Variants in EIF4G3 observed in about 807,000 individuals in gnomAD.
EIF4G3 encodes the protein eukaryotic translation initiation factor 4 gamma 3, also known as eIF-4-gamma 3.
A neutral mutation model predicts 186.4 loss-of-function variants in EIF4G3; 34 were observed. That is an observed-to-expected ratio of 0.18 (90% CI 0.14 to 0.24). The LOEUF (loss-of-function observed/expected upper bound fraction) is 0.24. Ranked by LOEUF, EIF4G3 falls within the 10% of genes least tolerant of loss-of-function variation. The pLI is 1.00. For synonymous variants in EIF4G3, 673 were observed against 679.5 expected, an observed-to-expected ratio of 0.99 and a Z score of 0.15; for missense variants, 1,536 against 1,948.5, an observed-to-expected ratio of 0.79 and a Z score of 3.99.
Position 20,886,316 on chromosome 1 carries a change from T to C in EIF4G3, c.2309A>G (p.Lys770Arg). ...TTCTTTTACAGAAACTGTGATGATCTTTCTGGGTTCTCTTCTTTGGCCAGG... is the reference window on the plus strand; with the variant it reads ...TTCTTTTACAGAAACTGTGATGATCCTTCTGGGTTCTCTTCTTTGGCCAGG... ...SQPGQRREPR[K>R]IITVSVKEDV... Residue 770 changes from lysine (K) to arginine (R), a missense_variant, in exon 19 of 37, where the codon AAG becomes AGG. By Grantham distance (26) the Lys-to-Arg change is conservative. This residue lies in a region of EIF4G3 where 139 missense variants were observed against 192.8 expected (regional missense o/e 0.72). Transcript: ENST00000602326. 6.2e-7 allele frequency: 1 copy of C among 1,614,126 alleles called. No individual in the cohort carries two copies. The highest frequency in any genetic ancestry group is 2.2e-5 in the East Asian group (1 of 44,878).
chr1:21,050,847 T>A lies in EIF4G3; in HGVS notation c.-67+19A>T, dbSNP rs776834024. ...TTTACAGGGACATTTCTTATTTTTT[T>A]AAAAAAGGTTTATCTTACTTGAGAG... On this transcript the variant is annotated intron_variant, in intron 4 of 36. Transcript: ENST00000602326. 11 of 690,372 alleles carry A rather than the reference T, an allele frequency of 1.6e-5. No homozygotes were observed. The highest frequency in any genetic ancestry group is 4.8e-5 in the South Asian group (3 of 62,006). 42.8% of individuals were successfully genotyped at this position (690,372 alleles called of 1,614,324 possible).
chr1:21,061,440 T>G (rs2094907752), intron 3 of EIF4G3, among the ~76,000 whole-genome samples: 1 of 152,166 alleles, frequency 6.6e-6, no homozygotes, highest in Non-Finnish European at 1.5e-5. Flanking sequence ...TAGATGCCTA[T>G]CAGAGATTCA....
chr1:21,129,179 G>A (rs545951458), intron 2 of EIF4G3, among the ~76,000 whole-genome samples: 2 of 152,180 alleles, frequency 1.3e-5, no homozygotes, highest in African/African-American at 2.4e-5. Flanking sequence ...GCCAGGCGTG[G>A]TGGCGGGTGC....
Position 21,057,814 on chromosome 1 carries a change from G to T in EIF4G3, c.-195-6820C>A, listed in dbSNP as rs537790530. On this transcript the variant is annotated intron_variant, in intron 3 of 36. Coordinates refer to ENST00000602326, the MANE Select transcript of EIF4G3 (RefSeq NM_001391906.1). ...GAAAGAAAATTTAAAAAGAAATACT[G>T]CTGCAAGAAAGAAAAGCTCTAAAAT... Among the ~76,000 whole-genome samples, 4 of 152,156 alleles carry T rather than the reference G, an allele frequency of 2.6e-5. No homozygotes were observed. In the East Asian group the frequency reaches 7.7e-4, roughly 29 times the overall value.
chr1:21,115,855 T>A (rs765985329), intron 2 of EIF4G3, among the ~76,000 whole-genome samples: 11 of 152,128 alleles, frequency 7.2e-5, no homozygotes, highest in Non-Finnish European at 1.2e-4. Flanking sequence ...TATCTAGGAA[T>A]ATACAGGTAG....
At chr1:20,899,676 G>T in intron 16 of EIF4G3, 21 bp downstream of exon 16, 1 of 1,613,284 alleles carries the variant, frequency 6.2e-7, no homozygotes, top group Non-Finnish European at 8.5e-7. Flanking sequence ...GAGGTACATA[G>T]GAAGGCAGGT....
At chr1:21,084,331 G>A (rs913497540) in intron 3 of EIF4G3, among the ~76,000 whole-genome samples, 1 of 151,976 alleles carries the variant, frequency 6.6e-6, no homozygotes, top group Non-Finnish European at 1.5e-5. Flanking sequence ...GGTAGAAAAC[G>A]AAGAGGAAGC....
chr1:20,998,502 T>C (rs1229720546), intron 6 of EIF4G3, among the ~76,000 whole-genome samples: 1 of 152,178 alleles, frequency 6.6e-6, no homozygotes, highest in East Asian at 1.9e-4. Context: ...CATAGAGTAC[T>C]TGAAAGTGGC....
At chr1:20,900,538 A>G (rs72652959) in intron 15 of EIF4G3, among the ~76,000 whole-genome samples, 6,946 of 149,580 alleles carry the variant, frequency 0.046, 216 homozygotes, top group Non-Finnish European at 0.067. Flanking sequence ...GAGAGAGAGA[A>G]AAAAAAAAGA....
chr1:20,949,148 T>C (rs1413581089), intron 13 of EIF4G3, among the ~76,000 whole-genome samples: 2 of 152,164 alleles, frequency 1.3e-5, no homozygotes, highest in Admixed American at 6.6e-5. Flanking sequence ...GGGTCAAAGT[T>C]ACTTGCTTCC....
chr1:21,162,472 C>G (rs1381649216), intron 2 of EIF4G3, among the ~76,000 whole-genome samples: 1 of 144,856 alleles, frequency 6.9e-6, no homozygotes. Context: ...AAAGGTGGGA[C>G]ACAGTGGCTC....
At chr1:20,987,520 T>C (rs1303455305) in intron 7 of EIF4G3, among the ~76,000 whole-genome samples, 1 of 152,240 alleles carries the variant, frequency 6.6e-6, no homozygotes, top group Non-Finnish European at 1.5e-5. Context: ...TTTTGGTAAT[T>C]CTCCCAATAT....
intron 23 of EIF4G3, among the ~76,000 whole-genome samples, chr1:20,860,754 T>C (rs1452139139): frequency 1.3e-5 from 2 of 152,154 alleles, no homozygotes; most frequent in Non-Finnish European, 2.9e-5. Flanking sequence ...AGCCAATGGA[T>C]ACAAAGAACA....
chr1:21,083,722 T>TA (rs1370166275), intron 3 of EIF4G3, among the ~76,000 whole-genome samples: 1 of 152,206 alleles, frequency 6.6e-6, no homozygotes, highest in Non-Finnish European at 1.5e-5. Flanking sequence ...TTCAAAAGCT[T>TA]AGATTCAAAT....
Position 21,085,757 on chromosome 1 carries a change from G to A in EIF4G3, c.-196+3381C>T, listed in dbSNP as rs140552353. On this transcript the variant is annotated intron_variant, in intron 3 of 36. Coordinates refer to ENST00000602326, the MANE Select transcript of EIF4G3 (RefSeq NM_001391906.1). ...CTCTGGCGCCAGGCTGGAGTGGCGC[G>A]ATCTTGGCTCACTGCAACCTCTGCC... 5.5e-3 allele frequency among the ~76,000 whole-genome samples: 831 copies of A among 151,954 alleles called. 11 individuals carry two copies. Among genetic ancestry groups the A allele is most frequent in the East Asian group, 0.024 (125 of 5,168 alleles).
intron 3 of EIF4G3, among the ~76,000 whole-genome samples, chr1:21,062,128 A>C (rs2094950237): frequency 6.6e-6 from 1 of 151,860 alleles, no homozygotes; most frequent in South Asian, 2.1e-4. Flanking sequence ...GTGCGATCAT[A>C]GCCCACTGCA....
At chr1:20,823,210 C>T (rs1002982566) in intron 33 of EIF4G3, among the ~76,000 whole-genome samples, 91 of 152,128 alleles carry the variant, frequency 6.0e-4, no homozygotes, top group African/African-American at 2.1e-3. Context: ...AAGTCTCAGC[C>T]ACTGTCTCTT....
At chr1:21,097,011 C>T (rs1376723474) in intron 2 of EIF4G3, among the ~76,000 whole-genome samples, 1 of 152,120 alleles carries the variant, frequency 6.6e-6, no homozygotes, top group Non-Finnish European at 1.5e-5. Flanking sequence ...TGCCACAGAA[C>T]TGTACACCGA....
intron 19 of EIF4G3, among the ~76,000 whole-genome samples, chr1:20,885,986 T>TGG (rs2084002681): frequency 6.6e-6 from 1 of 152,210 alleles, no homozygotes; most frequent in Non-Finnish European, 1.5e-5. Context: ...CCTCTAGACC[T>TGG]GGTAACTATT....
Sources: gnomAD v4.1 joint callset for allele counts (sites outside exome capture counted in the v4.1 genomes callset) on GRCh38, gnomAD v4.1.1 for gene constraint, gnomAD v4.1.1 regional missense constraint, MANE v1.5 for transcripts, NCBI Gene and HGNC (gene_info 2026-07-23, HGNC 2026-07-21) for gene names.